MYO1E: variants seen among roughly 807,000 people sequenced by gnomAD.
The protein encoded by MYO1E is myosin IE, also known as unconventional myosin-Ie.
In MYO1E, 68 loss-of-function variants were observed where a neutral mutation model predicts 151.1. The ratio of observed to expected loss-of-function variants is 0.45; its 90% CI spans 0.37 to 0.55. The LOEUF is 0.55. Ranked by LOEUF, MYO1E falls within the 20% of genes least tolerant of loss-of-function variation. The probability of loss-of-function intolerance (pLI) is 0.00; values close to 1 mark genes in which losing one functional copy is unlikely to be tolerated. For missense variants in MYO1E, 1,363 were observed against 1,389.3 expected, an observed-to-expected ratio of 0.98 and a Z score of 0.30; for synonymous variants, 601 against 501.7, an observed-to-expected ratio of 1.20 and a Z score of -2.64.
intron 1 of MYO1E, among the ~76,000 whole-genome samples, chr15:59,274,586 CA>C (rs1202120065): frequency 1.3e-5 from 2 of 152,118 alleles, no homozygotes; most frequent in African/African-American, 4.8e-5. Context: ...GAATAAAACA[CA>C]AGGGCTGTTA....
chr15:59,192,825 TTGTG>T (rs755706335), intron 17 of MYO1E, among the ~76,000 whole-genome samples: 1 of 151,932 alleles, frequency 6.6e-6, no homozygotes, highest in Non-Finnish European at 1.5e-5. Flanking sequence ...CACTGTTCTG[TTGTG>T]TGTGTGTACA....
At chr15:59,210,408 A>C (rs1566979915) in intron 13 of MYO1E, 106 bp downstream of exon 13, 7 of 823,872 alleles carry the variant, frequency 8.5e-6, no homozygotes. Context: ...ATTCTCTGCA[A>C]ATCAGAGTTG....
chr15:59,334,847 C>G lies in MYO1E; in HGVS notation c.3+37651G>C, dbSNP rs543575991. Among the ~76,000 whole-genome samples, 19 of 152,308 alleles carry G rather than the reference C, an allele frequency of 1.2e-4. 2 individuals are homozygous for G. The South Asian group carries it at 3.9e-3, about 32-fold the overall frequency. Reference sequence around the variant, plus strand: ...CCACACTGACTACAAGAATGATTTACTTATCAGACTGGCATATATGTCTCC... The same window carrying G: ...CCACACTGACTACAAGAATGATTTAGTTATCAGACTGGCATATATGTCTCC... On this transcript the variant is annotated intron_variant, in intron 1 of 27. Transcript: ENST00000288235.
chr15:59,158,347 C>A lies in MYO1E; in HGVS notation c.2818G>T (p.Gly940Cys). 6.4e-7 allele frequency: 1 copy of A among 1,573,072 alleles called. No homozygotes were observed. The highest frequency in any genetic ancestry group is 2.3e-5 in the East Asian group (1 of 43,476). ...PTRRNTTQNT[G>C]YSSGTQNANY... ...GCATTTTGAGTCCCACTGGAATAAC[C>A]TGTATTTTGGGTAGTGTTCCTTCTG... Residue 940 changes from glycine to cysteine, a missense_variant, in exon 25 of 28, where the codon GGT (glycine) becomes TGT (cysteine). Gly to Cys is a radical substitution (Grantham distance 159). Transcript: ENST00000288235.
chr15:59,152,202 G>A (rs2079485483), intron 26 of MYO1E, among the ~76,000 whole-genome samples: 1 of 152,150 alleles, frequency 6.6e-6, no homozygotes, highest in Non-Finnish European at 1.5e-5. Context: ...TTGCAGCCTG[G>A]GCAACAGAGC....
At chr15:59,336,685 T>C (rs1342106265) in intron 1 of MYO1E, among the ~76,000 whole-genome samples, 8 of 152,116 alleles carry the variant, frequency 5.3e-5, no homozygotes, top group African/African-American at 1.9e-4. Context: ...CGTGCCATGA[T>C]GGTTTGCTGC....
chr15:59,217,519 C>CTTTTTTTTTTTTTTTTTTTT (rs1164320277), intron 10 of MYO1E, among the ~76,000 whole-genome samples: 2 of 53,154 alleles, frequency 3.8e-5, no homozygotes, highest in African/African-American at 1.4e-4. Flanking sequence ...GTCGTTTTAC[C>CTTTTTTTTTTTTTTTTTTTT]TTTTTTTTTT....
intron 19 of MYO1E, among the ~76,000 whole-genome samples, chr15:59,178,102 T>C (rs1566971465): frequency 6.6e-6 from 1 of 152,226 alleles, no homozygotes; most frequent in Non-Finnish European, 1.5e-5. Flanking sequence ...TCCAGGAGTG[T>C]AGCAGCTAGA....
At chr15:59,327,158 T>A (rs1480628279) in intron 1 of MYO1E, among the ~76,000 whole-genome samples, 1 of 152,156 alleles carries the variant, frequency 6.6e-6, no homozygotes, top group Admixed American at 6.5e-5. Flanking sequence ...CACACCTCCA[T>A]GCAGGAGTCT....
chr15:59,171,657 T>TC (rs1348109495), intron 22 of MYO1E, among the ~76,000 whole-genome samples: 1 of 152,104 alleles, frequency 6.6e-6, no homozygotes, highest in Non-Finnish European at 1.5e-5. Context: ...GAGATCTGGG[T>TC]CCCCCTTGAT....
chr15:59,317,121 C>T (rs1396526373), intron 1 of MYO1E, among the ~76,000 whole-genome samples: 1 of 152,198 alleles, frequency 6.6e-6, no homozygotes, highest in Non-Finnish European at 1.5e-5. Context: ...GTCTATCTAT[C>T]ATCCATCCAT....
At chr15:59,346,494 C>T (rs1477672458) in intron 1 of MYO1E, among the ~76,000 whole-genome samples, 3 of 152,140 alleles carry the variant, frequency 2.0e-5, no homozygotes, top group African/African-American at 7.2e-5. Flanking sequence ...TCTTGTAATT[C>T]TGTGGGTTAT....
chr15:59,138,907 T>A (rs1379510664), intron 26 of MYO1E, among the ~76,000 whole-genome samples: 1 of 152,098 alleles, frequency 6.6e-6, no homozygotes, highest in Non-Finnish European at 1.5e-5. Context: ...GGAATCATAT[T>A]CCACGGTCAC....
intron 1 of MYO1E, among the ~76,000 whole-genome samples, chr15:59,303,233 G>A (rs183595689): frequency 3.3e-5 from 5 of 152,184 alleles, no homozygotes; most frequent in African/African-American, 4.8e-5. Context: ...GCAACGTGGC[G>A]AAACCCTGTC....
At chr15:59,291,185 G>A (rs1246213267) in intron 1 of MYO1E, among the ~76,000 whole-genome samples, 1 of 152,216 alleles carries the variant, frequency 6.6e-6, no homozygotes, top group African/African-American at 2.4e-5. Context: ...GTTCCCAAGT[G>A]CACAAAAGTC....
chr15:59,307,736 G>A (rs2080523356), intron 1 of MYO1E, among the ~76,000 whole-genome samples: 1 of 151,798 alleles, frequency 6.6e-6, no homozygotes. Context: ...TCAGCCTCCC[G>A]AGTAGCTGGG....
chr15:59,340,271 C>T (rs753454169), intron 1 of MYO1E, among the ~76,000 whole-genome samples: 4 of 152,120 alleles, frequency 2.6e-5, no homozygotes, highest in Non-Finnish European at 5.9e-5. Context: ...GATCGTGCCA[C>T]TGAACTCCAG....
Position 59,201,304 on chromosome 15 carries a change from G to C in MYO1E, c.1698+1022C>G, listed in dbSNP as rs117009230. ...GATGGGGTTCTCATTATATCGCACA[G>C]GTTGGTCTCGAACTCCTGGGGTCAA... On this transcript the variant is annotated intron_variant, in intron 16 of 27. Transcript: ENST00000288235. Among the ~76,000 whole-genome samples, 474 of 151,892 alleles carry C rather than the reference G, an allele frequency of 3.1e-3. 19 individuals carry two copies. The East Asian group carries it at 0.076, about 25-fold the overall frequency.
chr15:59,271,801 T>C (rs1210438744), intron 2 of MYO1E, among the ~76,000 whole-genome samples: 3 of 152,252 alleles, frequency 2.0e-5, no homozygotes, highest in African/African-American at 7.2e-5. Context: ...GCAGTCAGGA[T>C]GCATTATTGA....
Sources: gnomAD v4.1 joint callset for allele counts (sites outside exome capture counted in the v4.1 genomes callset) on GRCh38, gnomAD v4.1.1 for gene constraint, MANE v1.5 for transcripts, NCBI Gene and HGNC (gene_info 2026-07-23, HGNC 2026-07-21) for gene names.